The following RYR2 variants were observed in gnomAD, a reference collection of about 807,000 sequenced individuals.
The protein encoded by RYR2 is cardiac muscle ryanodine receptor-calcium release channel.
RYR2 carries 227 observed loss-of-function variants against 601.1 expected under a neutral mutation model. The observed-to-expected ratio is 0.38, with a 90% CI of 0.34 to 0.42. The LOEUF (loss-of-function observed/expected upper bound fraction) is 0.42, where lower values mean the gene tolerates loss of function less well. RYR2 is among the 10% of genes least tolerant of loss of function. The pLI, the probability that RYR2 is intolerant of heterozygous loss-of-function variation, is 1.00. For missense variants in RYR2, 4,646 were observed against 6,156.5 expected (o/e 0.75, Z 8.21); for synonymous variants, 2,223 against 2,175.1 (o/e 1.02, Z -0.61).
intron 17 of RYR2, among the ~76,000 whole-genome samples, chr1:237,473,427 C>CTTTCTTTCTTTCTTTCTTTTCTT (rs1553464621): frequency 9.8e-6 from 1 of 102,532 alleles, no homozygotes; most frequent in African/African-American, 5.5e-5. Flanking sequence ...CCATCTCTCT[C>CTTTCTTTCTTTCTTTCTTTTCTT]TCTCTCTTTC....
chr1:237,474,416 A>G (rs1661172687), intron 17 of RYR2, among the ~76,000 whole-genome samples: 1 of 151,716 alleles, frequency 6.6e-6, no homozygotes, highest in Non-Finnish European at 1.5e-5. Flanking sequence ...TTCCCACTCA[A>G]TGTTCTATAT....
At position 237,487,454 on chromosome 1, in the gene RYR2, G is replaced by A. The variant is rs761427809; in HGVS notation, c.1709-4352G>A. Among the ~76,000 whole-genome samples, 15 of 149,542 alleles carry A rather than the reference G, an allele frequency of 1.0e-4. No individual in the cohort carries two copies. In the East Asian group the frequency reaches 1.4e-3, roughly 14 times the overall value. ...TATTTCAGGCTGGGTGCTGTGTCTCGCAACTATAATTTCAGCACTTTGGGA... is the reference window on the plus strand; with the variant it reads ...TATTTCAGGCTGGGTGCTGTGTCTCACAACTATAATTTCAGCACTTTGGGA... On this transcript the variant is annotated intron_variant, in intron 17 of 104. Coordinates refer to ENST00000366574, the MANE Select transcript of RYR2 (RefSeq NM_001035.3).
At chr1:237,440,340 C>T (rs1357311153) in intron 12 of RYR2, among the ~76,000 whole-genome samples, 1 of 152,022 alleles carries the variant, frequency 6.6e-6, no homozygotes, top group Admixed American at 6.6e-5. Flanking sequence ...ACATAGAAGA[C>T]ACGTAAAGTA....
intron 2 of RYR2, among the ~76,000 whole-genome samples, chr1:237,292,754 G>A (rs1262264742): frequency 6.6e-6 from 1 of 152,160 alleles, no homozygotes; most frequent in Non-Finnish European, 1.5e-5. Context: ...AGATGTTGTT[G>A]TAACCCAAAG....
At chr1:237,102,327 A>C (rs751280098) in intron 1 of RYR2, among the ~76,000 whole-genome samples, 94 of 152,158 alleles carry the variant, frequency 6.2e-4, no homozygotes, top group African/African-American at 2.1e-3. Context: ...AGGAAGGTTG[A>C]AAATATATTT....
intron 86 of RYR2, among the ~76,000 whole-genome samples, chr1:237,772,951 T>C (rs906258016): frequency 7.9e-5 from 12 of 152,182 alleles, no homozygotes; most frequent in African/African-American, 2.2e-4. Context: ...ATGTATGTTA[T>C]TGTTAAATAC....
chr1:237,227,646 A>T (rs1191007961), intron 1 of RYR2, among the ~76,000 whole-genome samples: 2 of 152,136 alleles, frequency 1.3e-5, no homozygotes, highest in Non-Finnish European at 2.9e-5. Context: ...AGCTGTGCAC[A>T]TGGCATTCAC....
chr1:237,357,472 T>C (rs1205056859), intron 4 of RYR2, among the ~76,000 whole-genome samples: 1 of 152,222 alleles, frequency 6.6e-6, no homozygotes, highest in Non-Finnish European at 1.5e-5. Context: ...CTCAAGCTGC[T>C]TTTACTTACT....
chr1:237,096,281 T>G (rs1667499100), intron 1 of RYR2, among the ~76,000 whole-genome samples: 1 of 152,256 alleles, frequency 6.6e-6, no homozygotes, highest in Non-Finnish European at 1.5e-5. Context: ...TGTTTTGTTT[T>G]GGGATTAAAT....
intron 1 of RYR2, among the ~76,000 whole-genome samples, chr1:237,268,925 A>G (rs1689355260): frequency 1.2e-5 from 1 of 83,028 alleles, no homozygotes; most frequent in Non-Finnish European, 2.1e-5. Flanking sequence ...ACAGAGGAAG[A>G]CTCTTGTCTC....
chr1:237,766,943 A>T (rs1383208266), intron 84 of RYR2, among the ~76,000 whole-genome samples: 2 of 152,212 alleles, frequency 1.3e-5, no homozygotes, highest in Non-Finnish European at 2.9e-5. Context: ...AGAACAAACA[A>T]CTGTCATACA....
intron 56 of RYR2, among the ~76,000 whole-genome samples, chr1:237,664,720 A>T (rs1298024759): frequency 2.0e-5 from 3 of 152,214 alleles, no homozygotes; most frequent in African/African-American, 7.2e-5. Flanking sequence ...TAGACATAAT[A>T]ATGGATGAAG....
chr1:237,155,416 T>C (rs1675214992), intron 1 of RYR2, among the ~76,000 whole-genome samples: 1 of 152,048 alleles, frequency 6.6e-6, no homozygotes, highest in Non-Finnish European at 1.5e-5. Flanking sequence ...GACCTTGTGA[T>C]CCACCCACCT....
chr1:237,758,264 A>T (rs1693119055), intron 82 of RYR2, among the ~76,000 whole-genome samples: 1 of 152,246 alleles, frequency 6.6e-6, no homozygotes, highest in Non-Finnish European at 1.5e-5. Flanking sequence ...AGAAGTCCTT[A>T]GATCCAGAGA....
chr1:237,820,098 A>C (rs891219587), intron 101 of RYR2, among the ~76,000 whole-genome samples: 16 of 151,480 alleles, frequency 1.1e-4, no homozygotes, highest in Non-Finnish European at 2.4e-4. Context: ...GAGGCAGAAG[A>C]ATCACTTGAA....
At chr1:237,607,506 A>G (rs1340076027) in intron 35 of RYR2, among the ~76,000 whole-genome samples, 4 of 152,208 alleles carry the variant, frequency 2.6e-5, no homozygotes, top group African/African-American at 7.2e-5. Flanking sequence ...GCACACCAAC[A>G]TGGCACATGT....
At chr1:237,657,584 A>C (rs1049326672) in intron 53 of RYR2, among the ~76,000 whole-genome samples, 4 of 151,764 alleles carry the variant, frequency 2.6e-5, no homozygotes, top group African/African-American at 9.6e-5. Context: ...ACACATCACT[A>C]CTAAATTTAG....
chr1:237,629,127 CG>C lies in RYR2; in HGVS notation c.6440+1048del, dbSNP rs1161279976. On this transcript the variant is annotated intron_variant, in intron 41 of 104. Coordinates refer to ENST00000366574, the MANE Select transcript of RYR2 (RefSeq NM_001035.3). Reference sequence around the variant, plus strand: ...CAGAGAAAAAGAATGGGATGCAACACGTTTTTTTGAGTATACTACTGATTTA... The same window carrying C: ...CAGAGAAAAAGAATGGGATGCAACACTTTTTTTGAGTATACTACTGATTTA... Among the ~76,000 whole-genome samples the C allele has an allele frequency of 1.3e-4, 20 of 152,180 alleles. 1 individual carries two copies. Among genetic ancestry groups the C allele is most frequent in the South Asian group, 1.0e-3 (5 of 4,814 alleles).
chr1:237,461,129 C>T (rs957390966), intron 16 of RYR2, among the ~76,000 whole-genome samples: 1 of 152,144 alleles, frequency 6.6e-6, no homozygotes, highest in African/African-American at 2.4e-5. Context: ...TTTTCCTCAT[C>T]GGAAAATGGC....
Sources: gnomAD v4.1 joint callset for allele counts (sites outside exome capture counted in the v4.1 genomes callset) on GRCh38, gnomAD v4.1.1 for gene constraint, MANE v1.5 for transcripts, NCBI Gene and HGNC (gene_info 2026-07-23, HGNC 2026-07-21) for gene names.